Variants in ZNF790 observed in about 807,000 individuals in gnomAD.
ZNF790 encodes zinc finger protein 790.
Under a neutral mutation model 12.1 loss-of-function variants are expected in ZNF790, and 8 were observed. The ratio of observed to expected loss-of-function variants is 0.66; its 90% CI spans 0.39 to 1.19. The LOEUF (loss-of-function observed/expected upper bound fraction) is 1.19. ZNF790 is among the 50% of genes most tolerant of loss of function. The pLI, the probability that ZNF790 is intolerant of heterozygous loss-of-function variation, is 0.01. For missense variants in ZNF790, 707 were observed against 752.2 expected, an observed-to-expected ratio of 0.94 and a Z score of 0.70; for synonymous variants, 252 against 244.3, an observed-to-expected ratio of 1.03 and a Z score of -0.29.
At chr19:36,845,047 C>CG in intron 1 of ZNF790, among the ~76,000 whole-genome samples, 1 of 34,918 alleles carries the variant, frequency 2.9e-5, no homozygotes, top group Non-Finnish European at 5.2e-5. Flanking sequence ...GACTCCGTCT[C>CG]AAAAAAAAAA....
rs189467949 is a variant in ZNF790, at chr19:36,846,062, G to A, written c.-74+3940C>T. Among the ~76,000 whole-genome samples the A allele has an allele frequency of 2.9e-3, 448 of 152,136 alleles. 10 individuals are homozygous for A. The highest frequency in any genetic ancestry group is 0.018 in the Admixed American group (270 of 15,284). On this transcript the variant is annotated intron_variant, in intron 1 of 4. Transcript: ENST00000528994. ...GACCTCAGGTGATACGCCCATCTTG[G>A]CCTCCCAAAGTGCTTGGATTACAGG...
intron 1 of ZNF790, among the ~76,000 whole-genome samples, chr19:36,826,638 TA>T (rs1218941877): frequency 6.8e-6 from 1 of 146,444 alleles, no homozygotes; most frequent in African/African-American, 2.5e-5. Flanking sequence ...ATATATATAA[TA>T]AAAATTATAT....
Position 36,819,673 on chromosome 19 carries a change from T to C in ZNF790, c.671A>G (p.Lys224Arg). ...CCCACATTCTTTACATTCATATGTT[T>C]TCTTAACAGTGTGAACTGTCTGATA... ...IQYQTVHTVK[K>R]TYECKECGKS... is the part of the protein sequence containing the mutation. The change falls in exon 5 of 5, where the codon AAA (lysine) becomes AGA (arginine). Residue 224 changes from lysine to arginine, a missense_variant. Physicochemically the swap from Lys to Arg is conservative, Grantham distance 26. Transcript: ENST00000356725. The C allele has an allele frequency of 6.2e-7, 1 of 1,611,798 alleles. No individual in the cohort carries two copies. The highest frequency in any genetic ancestry group is 8.5e-7 in the Non-Finnish European group (1 of 1,178,782).
At position 36,818,612 on chromosome 19, in the gene ZNF790, T is replaced by G. The variant is rs781268623; in HGVS notation, c.1732A>C (p.Thr578Pro). ...GCACTATTATGAATTTTTTGTTCAG[T>G]AAAATATGAATGGTGACTAAAGATG... ...SHIFSHHSYFTEQKIHNSANL... is the reference protein window; with the variant it reads ...SHIFSHHSYFPEQKIHNSANL... Residue 578 changes from threonine (T) to proline (P), a missense_variant, in exon 5 of 5, where the codon ACT becomes CCT. Thr to Pro is a conservative substitution (Grantham distance 38, BLOSUM62 -1). Coordinates refer to ENST00000356725, the MANE Select transcript of ZNF790 (RefSeq NM_206894.4). 1.9e-6 allele frequency: 3 copies of G among 1,611,354 alleles called. No individual in the cohort carries two copies. In the South Asian group the frequency reaches 3.3e-5, roughly 18 times the overall value.
In ZNF790 at chr19:36,819,594, A is replaced by G; in HGVS notation, c.750T>C (p.Gly250=). 1 of 1,609,440 alleles carries G rather than the reference A, an allele frequency of 6.2e-7. No homozygotes were observed. ...SLTGHKRIHT[G]EKPFKCKDCG... ...AATCCTTACATTTAAAAGGTTTCTCACCGGTATGAATTCTCTTATGACCAG... is the reference window on the plus strand; with the variant it reads ...AATCCTTACATTTAAAAGGTTTCTCGCCGGTATGAATTCTCTTATGACCAG... The change falls in exon 5 of 5, where the codon GGT becomes GGC. Residue 250 remains glycine, a synonymous_variant. Transcript: ENST00000356725.
At chr19:36,846,436 G>T (rs2072181524) in intron 1 of ZNF790, among the ~76,000 whole-genome samples, 1 of 152,032 alleles carries the variant, frequency 6.6e-6, no homozygotes, top group South Asian at 2.1e-4. Flanking sequence ...ATGGTGGCAG[G>T]CGCCTGCAGT....
At chr19:36,823,247 A>G (rs755672785) in intron 4 of ZNF790, 38 bp downstream of exon 4, 4 of 1,570,128 alleles carry the variant, frequency 2.5e-6, no homozygotes, top group East Asian at 4.5e-5. Flanking sequence ...TGTTATCCAC[A>G]ACAATGGCCT....
At chr19:36,836,906 G>A (rs1319618434) in intron 1 of ZNF790, among the ~76,000 whole-genome samples, 1 of 152,112 alleles carries the variant, frequency 6.6e-6, no homozygotes, top group African/African-American at 2.4e-5. Flanking sequence ...GAAACTGTTG[G>A]GTGTGCCTAT....
At chr19:36,835,321 A>C (rs1442093271) in intron 1 of ZNF790, among the ~76,000 whole-genome samples, 1 of 152,128 alleles carries the variant, frequency 6.6e-6, no homozygotes, top group Non-Finnish European at 1.5e-5. Flanking sequence ...TCATTAATAC[A>C]CCTCTCTCAA....
At chr19:36,823,578 G>T in intron 3 of ZNF790, 89 bp downstream of exon 3, 1 of 1,523,424 alleles carries the variant, frequency 6.6e-7, no homozygotes. Flanking sequence ...AAAAAACAAA[G>T]GTCAGAAGTT....
Position 36,823,270 on chromosome 19 carries a change from T to C in ZNF790, c.229+15A>G. ...ACAACAATGGCCTCCTTGTGCGTGTTCAGCCCTCACTCACCTGGGCAAGGT... is the reference window on the plus strand; with the variant it reads ...ACAACAATGGCCTCCTTGTGCGTGTCCAGCCCTCACTCACCTGGGCAAGGT... On this transcript the variant is annotated intron_variant, in intron 4 of 4. Transcript: ENST00000356725. 6.2e-7 allele frequency: 1 copy of C among 1,609,182 alleles called. No individual in the cohort carries two copies. Among genetic ancestry groups the C allele is most frequent in the African/African-American group, 1.3e-5 (1 of 74,934 alleles).
chr19:36,849,733 C>A (rs1362401493), intron 1 of ZNF790, among the ~76,000 whole-genome samples: 1 of 151,974 alleles, frequency 6.6e-6, no homozygotes, highest in Admixed American at 6.6e-5. Flanking sequence ...ATAGTATCAG[C>A]TACCCACGCA....
chr19:36,824,160 CA>C (rs1416074796), intron 2 of ZNF790, among the ~76,000 whole-genome samples: 9 of 148,710 alleles, frequency 6.1e-5, no homozygotes, highest in Non-Finnish European at 1.3e-4. Flanking sequence ...CCACGCCCGG[CA>C]AATTTTTTGT....
intron 1 of ZNF790, among the ~76,000 whole-genome samples, chr19:36,832,113 G>A (rs1342635005): frequency 6.6e-6 from 1 of 152,134 alleles, no homozygotes; most frequent in Non-Finnish European, 1.5e-5. Context: ...GTTTTATGAT[G>A]CAACTTAGGA....
At chr19:36,843,002 C>CAAAA (rs59705640), upstream of ZNF790, among the ~76,000 whole-genome samples, 5 of 65,524 alleles carry the variant, frequency 7.6e-5, no homozygotes, top group African/African-American at 1.0e-4. Context: ...GACTCCATCT[C>CAAAA]AAAAAAAAAA....
rs760453936 is a variant in ZNF790 at position 36,827,117 on chromosome 19, T to TACACACACACACACAC, written c.-73-1441_-73-1426dup. ...GTGTGTGTGTGTATATATATACACA[T>TACACACACACACACAC]ACACACACACACACACACACACACA... On this transcript the variant is annotated intron_variant, in intron 1 of 4. Transcript: ENST00000356725. Among the ~76,000 whole-genome samples the TACACACACACACACAC allele has an allele frequency of 6.2e-3, 377 of 60,568 alleles. 6 individuals carry two copies. Among genetic ancestry groups the TACACACACACACACAC allele is most frequent in the Middle Eastern group, 0.011 (1 of 90 alleles). 39.7% of individuals were successfully genotyped at this position (60,568 alleles called of 152,430 possible).
Position 36,823,342 on chromosome 19 carries a change from C to T in ZNF790, c.172G>A (p.Glu58Lys). Residue 58 changes from glutamate to lysine, a missense_variant, in exon 4 of 5, where the codon GAG becomes AAG. Transcript: ENST00000356725. The part of the protein sequence containing the change: ...IYQPEAFSLL[E>K]KGKEPWKILR... ...ATCTTCCAGGGCTCTTTCCCTTTCT[C>T]CAATAAAGAGAACGCTTCTGGCTGA... 2 of 1,614,078 alleles carry T rather than the reference C, an allele frequency of 1.2e-6. No individual in the cohort carries two copies. The highest frequency in any genetic ancestry group is 1.1e-5 in the South Asian group (1 of 91,066).
Position 36,819,501 on chromosome 19 carries a change from A to C in ZNF790, c.843T>G (p.Ser281=). 6.2e-7 allele frequency: 1 copy of C among 1,612,070 alleles called. No individual in the cohort carries two copies. Among genetic ancestry groups the C allele is most frequent in the Non-Finnish European group, 8.5e-7 (1 of 1,178,814 alleles). Residue 281 remains serine (S), a synonymous_variant, in exon 5 of 5, where the codon TCT becomes TCG. Transcript: ENST00000356725. Reference sequence around the variant, plus strand: ...CCTTCCCACATTCCTTACATTCATAAGATTTCTCACCAGTATGAATTCGCT... The same window carrying C: ...CCTTCCCACATTCCTTACATTCATACGATTTCTCACCAGTATGAATTCGCT... ...VHKRIHTGEK[S]YECKECGKAF... is the part of the protein sequence containing the mutation.
intron 1 of ZNF790, among the ~76,000 whole-genome samples, chr19:36,845,831 G>A (rs559736107): frequency 9.2e-5 from 14 of 151,412 alleles, no homozygotes; most frequent in East Asian, 5.9e-4. Flanking sequence ...GGTGGGAGAC[G>A]GAGTTTCACT....
Sources: allele counts gnomAD v4.1 joint callset (sites outside exome capture counted in the v4.1 genomes callset), GRCh38; gene constraint gnomAD v4.1.1; transcripts MANE v1.5; gene names NCBI Gene and HGNC (gene_info 2026-07-23, HGNC 2026-07-21).